PPME1: variants seen among roughly 807,000 people sequenced by gnomAD.
PPME1 encodes the protein protein phosphatase methylesterase 1, also known as testicular secretory protein Li 39.
PPME1 carries 17 observed loss-of-function variants against 56.9 expected under a neutral mutation model. That is an observed-to-expected ratio of 0.30 (90% CI 0.20 to 0.45). The LOEUF (loss-of-function observed/expected upper bound fraction) is 0.45, where lower values mean the gene tolerates loss of function less well. PPME1 is among the 20% of genes least tolerant of loss of function. The pLI is 1.00. For missense variants in PPME1, 357 were observed against 483.2 expected, an observed-to-expected ratio of 0.74 and a Z score of 2.45; for synonymous variants, 122 against 156.2, an observed-to-expected ratio of 0.78 and a Z score of 1.63.
chr11:74,251,426 T>A (rs1859657443), intron 12 of PPME1: 3 of 1,398,234 alleles, frequency 2.1e-6, no homozygotes, highest in Admixed American at 3.0e-5. Context: ...GCCCTTCACG[T>A]CATTCCTCTT....
Position 74,230,390 on chromosome 11 carries a change from G to A in PPME1, c.544G>A (p.Val182Ile). The A allele has an allele frequency of 6.2e-7, 1 of 1,613,610 alleles. No homozygotes were observed. ...PSLLGLCMID[V>I]VEGTAMDALN... Reference sequence around the variant, plus strand: ...CCTCTTGGGTCTGTGCATGATTGATGTTGTAGAAGGTGAGTTTTCTTAGCA... The same window carrying A: ...CCTCTTGGGTCTGTGCATGATTGATATTGTAGAAGGTGAGTTTTCTTAGCA... Residue 182 changes from valine (V) to isoleucine (I), a missense_variant, in exon 6 of 14, where the codon GTT (valine) becomes ATT (isoleucine). Val to Ile is a conservative substitution (Grantham distance 29). Coordinates refer to ENST00000328257, the MANE Select transcript of PPME1 (RefSeq NM_016147.3). This position sits in a 1 kb window ranked among gnomAD's most constrained non-coding sequence, Gnocchi z 4.9.
rs1555082079 is a variant in PPME1 at position 74,247,495 on chromosome 11, T to TTG, written c.1009+373_1009+374insGT. ...TTTTTGTTTGTGGGTTTTTTTTTTTTTTTTTTTTTTGAATTGGAGTCTCAC... is the reference window on the plus strand; with the variant it reads ...TTTTTGTTTGTGGGTTTTTTTTTTTTTGTTTTTTTTTTGAATTGGAGTCTCAC... On this transcript the variant is annotated intron_variant, in intron 11 of 13. Transcript: ENST00000328257. 193 of 148,602 alleles carry TTG rather than the reference T, an allele frequency of 1.3e-3. 1 individual carries two copies. Among genetic ancestry groups the TTG allele is most frequent in the South Asian group, 9.8e-3 (47 of 4,788 alleles). The allele number at this position is 148,602 out of a possible 1,614,324, so 9.2% of individuals were successfully genotyped here. A position where few individuals can be genotyped will look rare whatever the true frequency, so the allele number is the denominator to read the frequency against.
At chr11:74,207,743 T>A (rs1228375929) in intron 3 of PPME1, among the ~76,000 whole-genome samples, 4 of 152,134 alleles carry the variant, frequency 2.6e-5, no homozygotes, top group Non-Finnish European at 5.9e-5. Flanking sequence ...GAAACTGAAG[T>A]TTGGCTGAGC....
intron 1 of PPME1, among the ~76,000 whole-genome samples, chr11:74,174,366 G>A (rs1291221511): frequency 6.6e-6 from 1 of 152,168 alleles, no homozygotes; most frequent in Non-Finnish European, 1.5e-5. Context: ...TTACTCATTT[G>A]CATATAATCT....
intron 1 of PPME1, among the ~76,000 whole-genome samples, chr11:74,190,289 C>T (rs1476377279): frequency 1.3e-5 from 2 of 152,186 alleles, no homozygotes; most frequent in Non-Finnish European, 2.9e-5. Flanking sequence ...AGTATTGGGT[C>T]ATGGGGGCAG....
intron 9 of PPME1, chr11:74,243,476 T>C (rs1859427780): frequency 6.6e-6 from 1 of 152,164 alleles, no homozygotes; most frequent in Non-Finnish European, 1.5e-5. Flanking sequence ...GGAGCTGATC[T>C]CTTAGAAATG....
intron 7 of PPME1, chr11:74,235,661 C>T (rs1859172119): frequency 1.6e-5 from 8 of 501,874 alleles, no homozygotes; most frequent in East Asian, 4.0e-5. Flanking sequence ...AGGCCTGGCA[C>T]CTAGTATCCT....
chr11:74,212,059 A>T (rs1180907218), intron 3 of PPME1, among the ~76,000 whole-genome samples: 3 of 152,242 alleles, frequency 2.0e-5, no homozygotes, highest in East Asian at 1.9e-4. Context: ...TGATCACAGT[A>T]CCTAGATTTA....
At chr11:74,195,390 C>T (rs890372425) in intron 1 of PPME1, among the ~76,000 whole-genome samples, 10 of 152,112 alleles carry the variant, frequency 6.6e-5, no homozygotes, top group Non-Finnish European at 1.0e-4. Context: ...ATACAGGATT[C>T]AGTCTTCTGT....
chr11:74,247,483 GT>G (rs761820906), intron 11 of PPME1: 209 of 119,100 alleles, frequency 1.8e-3, no homozygotes, highest in South Asian at 6.4e-3. Flanking sequence ...TTGTTTGTGG[GT>G]TTTTTTTTTT....
chr11:74,224,630 T>G, intron 4 of PPME1, among the ~76,000 whole-genome samples: 2 of 139,052 alleles, frequency 1.4e-5, no homozygotes, highest in African/African-American at 5.9e-5. Flanking sequence ...TGAGCAGTGG[T>G]TTGTAGTTCT....
Position 74,231,085 on chromosome 11 carries a change from CCTCA to C in PPME1, c.644+87_644+90del. On this transcript the variant is annotated intron_variant, in intron 7 of 13. Transcript: ENST00000328257. ...TTATTTATTTATTTAGGAGACAAGG[CCTCA>C]CTCTGTCACCCAGGCTGGAGTGCAG... The C allele has an allele frequency of 5.1e-6, 6 of 1,185,946 alleles. No individual in the cohort carries two copies. In the East Asian group the frequency reaches 1.6e-4, roughly 31 times the overall value. 73.5% of individuals were successfully genotyped at this position (1,185,946 alleles called of 1,614,324 possible). A position where few individuals can be genotyped will look rare whatever the true frequency, so the allele number is the denominator to read the frequency against.
At chr11:74,253,240 C>A (rs1041177965) in intron 13 of PPME1, among the ~76,000 whole-genome samples, 2 of 152,068 alleles carry the variant, frequency 1.3e-5, no homozygotes, top group African/African-American at 4.8e-5. Context: ...ATCCCAGGAA[C>A]CAACAATAAA....
intron 3 of PPME1, among the ~76,000 whole-genome samples, chr11:74,216,060 T>C (rs1858633419): frequency 6.6e-6 from 1 of 152,188 alleles, no homozygotes; most frequent in Non-Finnish European, 1.5e-5. Flanking sequence ...CAATAAGAGC[T>C]GGAGACTTCA....
At chr11:74,189,371 C>A (rs79845886) in intron 1 of PPME1, among the ~76,000 whole-genome samples, 5,593 of 152,266 alleles carry the variant, frequency 0.037, 212 homozygotes, top group African/African-American at 0.098. Context: ...CTCACTGCAG[C>A]CTTGACTCCC....
chr11:74,250,153 A>G (rs1370454683), intron 11 of PPME1: 1 of 152,188 alleles, frequency 6.6e-6, no homozygotes, highest in Non-Finnish European at 1.5e-5. Flanking sequence ...AAGAACTTTC[A>G]AGCCCATTCC....
chr11:74,239,312 T>C, intron 9 of PPME1, 56 bp downstream of exon 9: 2 of 1,582,006 alleles, frequency 1.3e-6, no homozygotes, highest in Admixed American at 3.7e-5. Flanking sequence ...TCAAACTGTG[T>C]GTGGGTGGGA....
intron 1 of PPME1, among the ~76,000 whole-genome samples, chr11:74,179,885 G>T (rs1857487854): frequency 6.6e-6 from 1 of 152,120 alleles, no homozygotes; most frequent in South Asian, 2.1e-4. Context: ...ATAGCTGGCT[G>T]CAATTAAACT....
intron 1 of PPME1, among the ~76,000 whole-genome samples, chr11:74,178,265 A>G (rs118017718): frequency 0.011 from 1,688 of 152,288 alleles, 18 homozygotes; most frequent in Non-Finnish European, 0.016. Context: ...TTTCCTAGCT[A>G]AGCTTGTCTT....
Sources: allele counts gnomAD v4.1 joint callset (sites outside exome capture counted in the v4.1 genomes callset), GRCh38; gene constraint gnomAD v4.1.1; non-coding constraint Gnocchi (gnomAD v3.1); transcripts MANE v1.5; gene names NCBI Gene and HGNC (gene_info 2026-07-23, HGNC 2026-07-21).